NSRP1: variants seen among roughly 807,000 people sequenced by gnomAD.
NSRP1 encodes the protein coiled-coil domain containing 55.
In NSRP1, 24 loss-of-function variants were observed where a neutral mutation model predicts 54.7. The observed-to-expected ratio is 0.44, with a 90% CI of 0.32 to 0.62. The LOEUF is 0.62. Ranked by LOEUF, NSRP1 falls within the 20% of genes least tolerant of loss-of-function variation. The pLI is 0.06. For missense variants in NSRP1, 596 were observed against 651.2 expected, an observed-to-expected ratio of 0.92 and a Z score of 0.92; for synonymous variants, 210 against 213.8, an observed-to-expected ratio of 0.98 and a Z score of 0.15.
chr17:30,185,100 G>A lies in NSRP1; in HGVS notation c.1103G>A (p.Arg368Lys). ...RHEQEDKPRA[R>K]DQRERSDRVW... ...GAACAGGAAGATAAACCAAGGGCGA[G>A]GGACCAAAGAGAAAGAAGTGACAGA... The change falls in exon 7 of 7, where the codon AGG (arginine) becomes AAG (lysine). Residue 368 changes from arginine to lysine, a missense_variant. Physicochemically the swap from Arg to Lys is conservative, Grantham distance 26 (BLOSUM62 2). Coordinates refer to ENST00000247026, the MANE Select transcript of NSRP1 (RefSeq NM_032141.4). 6.2e-7 allele frequency: 1 copy of A among 1,613,300 alleles called. No individual in the cohort carries two copies. The highest frequency in any genetic ancestry group is 8.5e-7 in the Non-Finnish European group (1 of 1,179,668).
At chr17:30,160,222 T>C (rs1273305289) in intron 2 of NSRP1, among the ~76,000 whole-genome samples, 2 of 152,242 alleles carry the variant, frequency 1.3e-5, no homozygotes, top group African/African-American at 2.4e-5. Context: ...TTGAAGACTT[T>C]TGCATCTGTG....
rs571196446 is a variant in NSRP1, at chr17:30,184,336, G to A, written c.618-279G>A. On this transcript the variant is annotated intron_variant, in intron 6 of 6. Coordinates refer to ENST00000247026, the MANE Select transcript of NSRP1 (RefSeq NM_032141.4). Reference sequence around the variant, plus strand: ...TAGGCTTACCAAAAAATGAAGACCTGTACAGACCCTTGCCTGTAGGTTCTA... The same window carrying A: ...TAGGCTTACCAAAAAATGAAGACCTATACAGACCCTTGCCTGTAGGTTCTA... 5.8e-4 allele frequency among the ~76,000 whole-genome samples: 89 copies of A among 152,284 alleles called. 1 individual carries two copies. The highest frequency in any genetic ancestry group is 2.1e-3 in the African/African-American group (87 of 41,562).
intron 6 of NSRP1, among the ~76,000 whole-genome samples, chr17:30,184,005 C>A (rs1246554769): frequency 6.6e-6 from 1 of 152,114 alleles, no homozygotes; most frequent in African/African-American, 2.4e-5. Flanking sequence ...AGTTTGAGAC[C>A]AGCTTGGCCA....
intron 1 of NSRP1, chr17:30,117,604 T>A (rs372347023): frequency 2.8e-6 from 1 of 359,486 alleles, no homozygotes; most frequent in South Asian, 1.2e-4. Flanking sequence ...TTTAAAAATT[T>A]TCGTGAGTTA....
intron 2 of NSRP1, among the ~76,000 whole-genome samples, chr17:30,122,000 T>G (rs1241672713): frequency 6.6e-6 from 1 of 152,160 alleles, no homozygotes; most frequent in Non-Finnish European, 1.5e-5. Context: ...ACCACTAATT[T>G]ACTTTCTGTT....
At chr17:30,144,911 G>A (rs914865470) in intron 2 of NSRP1, 2 of 151,984 alleles carry the variant, frequency 1.3e-5, no homozygotes, top group Non-Finnish European at 2.9e-5. Flanking sequence ...TTGGATATCC[G>A]TGTTTGATAT....
At chr17:30,178,544 T>C (rs1047200247) in intron 4 of NSRP1, among the ~76,000 whole-genome samples, 2 of 152,192 alleles carry the variant, frequency 1.3e-5, no homozygotes. Flanking sequence ...CATTTCTTCC[T>C]AGCTGGTAAC....
At chr17:30,148,156 C>A (rs192637824) in intron 2 of NSRP1, among the ~76,000 whole-genome samples, 1 of 152,248 alleles carries the variant, frequency 6.6e-6, no homozygotes, top group African/African-American at 2.4e-5. Flanking sequence ...TAAATGCCTT[C>A]CTGAATTTAT....
chr17:30,124,839 A>G (rs1468635454), intron 2 of NSRP1, among the ~76,000 whole-genome samples: 4 of 152,252 alleles, frequency 2.6e-5, no homozygotes, highest in Admixed American at 6.5e-5. Context: ...CCTATAAAAA[A>G]ATCAGTCTGG....
At position 30,176,335 on chromosome 17, in the gene NSRP1, G is replaced by A. The variant is rs148300526; in HGVS notation, c.172-1736G>A. On this transcript the variant is annotated intron_variant, in intron 3 of 6. Transcript: ENST00000247026. ...ATCAGTTTAAAACAGCCCTGGCCGGGTGCAGTGGCTCATGCATGTAATCCC... is the reference window on the plus strand; with the variant it reads ...ATCAGTTTAAAACAGCCCTGGCCGGATGCAGTGGCTCATGCATGTAATCCC... Among the ~76,000 whole-genome samples, 30 of 152,220 alleles carry A rather than the reference G, an allele frequency of 2.0e-4. No individual in the cohort carries two copies. The East Asian group carries it at 5.4e-3, about 27-fold the overall frequency.
At chr17:30,162,663 A>C (rs972272537) in intron 2 of NSRP1, among the ~76,000 whole-genome samples, 3 of 152,198 alleles carry the variant, frequency 2.0e-5, no homozygotes, top group Non-Finnish European at 4.4e-5. Flanking sequence ...TTTAAGAAAG[A>C]AGCTCATATG....
In NSRP1 at chr17:30,185,680, A is replaced by G. The variant is rs1905511523; in HGVS notation, c.*6A>G. 2 of 1,540,652 alleles carry G rather than the reference A, an allele frequency of 1.3e-6. No individual in the cohort carries two copies. Among genetic ancestry groups the G allele is most frequent in the Non-Finnish European group, 1.7e-6 (2 of 1,149,732 alleles). ...TTGAGAAAGAAGATGATTGATGGCT[A>G]CCCCAAGAGAAAGATTTAAGGAAGC... On this transcript the variant is annotated 3_prime_UTR_variant, in exon 7 of 7. Coordinates refer to ENST00000247026, the MANE Select transcript of NSRP1 (RefSeq NM_032141.4).
At chr17:30,159,140 T>C (rs979806844) in intron 2 of NSRP1, among the ~76,000 whole-genome samples, 7 of 152,184 alleles carry the variant, frequency 4.6e-5, no homozygotes, top group Non-Finnish European at 1.0e-4. Context: ...ATTTCTTTCA[T>C]CAATGTTTTA....
At chr17:30,162,729 A>G (rs1452436030) in intron 2 of NSRP1, among the ~76,000 whole-genome samples, 1 of 152,200 alleles carries the variant, frequency 6.6e-6, no homozygotes, top group African/African-American at 2.4e-5. Context: ...GAAAAAATTC[A>G]GAACCCTTTA....
intron 2 of NSRP1, among the ~76,000 whole-genome samples, chr17:30,155,617 G>A (rs749960554): frequency 3.3e-5 from 5 of 151,992 alleles, no homozygotes; most frequent in Non-Finnish European, 7.4e-5. Context: ...TGATCATAGT[G>A]CACTATGCCT....
chr17:30,124,560 G>C (rs1054391467), intron 2 of NSRP1, among the ~76,000 whole-genome samples: 1 of 152,214 alleles, frequency 6.6e-6, no homozygotes, highest in Non-Finnish European at 1.5e-5. Flanking sequence ...ATGCCAAAAA[G>C]GGCATGATGA....
Position 30,132,051 on chromosome 17 carries a change from A to G in NSRP1, c.114+13878A>G, listed in dbSNP as rs1489998705. On this transcript the variant is annotated intron_variant, in intron 2 of 6. Transcript: ENST00000247026. ...ATCACAAGGTCAGGAGATCAAGACC[A>G]TCCTGGCTAACATGGTGAAACCCCG... 3.9e-5 allele frequency among the ~76,000 whole-genome samples: 6 copies of G among 152,144 alleles called. No individual in the cohort carries two copies. In the East Asian group the frequency reaches 1.2e-3, roughly 29 times the overall value.
chr17:30,120,243 C>T (rs2071585048), intron 2 of NSRP1, among the ~76,000 whole-genome samples: 1 of 152,072 alleles, frequency 6.6e-6, no homozygotes, highest in African/African-American at 2.4e-5. Context: ...GGATTTTTTC[C>T]CCCTTAACAG....
chr17:30,144,971 TTTAAA>T (rs1472541145), intron 2 of NSRP1, among the ~76,000 whole-genome samples: 4 of 152,236 alleles, frequency 2.6e-5, no homozygotes, highest in African/African-American at 4.8e-5. Context: ...TGTGTATACT[TTTAAA>T]TTATATTTTG....
Sources: gnomAD v4.1 joint callset for allele counts (sites outside exome capture counted in the v4.1 genomes callset) on GRCh38, gnomAD v4.1.1 for gene constraint, MANE v1.5 for transcripts, NCBI Gene and HGNC (gene_info 2026-07-23, HGNC 2026-07-21) for gene names.